Variants in SDK2 observed in about 807,000 individuals in gnomAD.
The protein encoded by SDK2 is protein sidekick-2.
A neutral mutation model predicts 253.9 loss-of-function variants in SDK2; 105 were observed. That is an observed-to-expected ratio of 0.41 (90% confidence interval 0.35 to 0.49). The LOEUF (loss-of-function observed/expected upper bound fraction) is 0.49, where lower values mean the gene tolerates loss of function less well. SDK2 is among the 20% of genes least tolerant of loss of function. The probability of loss-of-function intolerance (pLI) is 0.06; values close to 1 mark genes in which losing one functional copy is unlikely to be tolerated. For missense variants in SDK2, 2,608 were observed against 3,003.0 expected, an observed-to-expected ratio of 0.87 and a Z score of 3.07; for synonymous variants, 1,249 against 1,234.9, an observed-to-expected ratio of 1.01 and a Z score of -0.24.
At chr17:73,362,846 G>T (rs1236183869) in intron 38 of SDK2, among the ~76,000 whole-genome samples, 1 of 152,212 alleles carries the variant, frequency 6.6e-6, no homozygotes, top group South Asian at 2.1e-4. Flanking sequence ...GGGAGCCGGG[G>T]TTAGTGTCAT....
chr17:73,388,444 T>C (rs922582930), intron 29 of SDK2, among the ~76,000 whole-genome samples: 4 of 152,336 alleles, frequency 2.6e-5, no homozygotes, highest in Non-Finnish European at 5.9e-5. Flanking sequence ...AGGCCCTAGC[T>C]TGGCTTCCTT....
intron 2 of SDK2, among the ~76,000 whole-genome samples, chr17:73,500,558 T>TC (rs2145745910): frequency 6.9e-6 from 1 of 145,018 alleles, no homozygotes. Flanking sequence ...TCCTTCATCC[T>TC]TCTCCATCCT....
chr17:73,528,574 A>G (rs1343272410), intron 1 of SDK2, among the ~76,000 whole-genome samples: 1 of 152,046 alleles, frequency 6.6e-6, no homozygotes, highest in Admixed American at 6.5e-5. Context: ...TCCCAAGGCG[A>G]CCTACTGCCT....
intron 2 of SDK2, among the ~76,000 whole-genome samples, chr17:73,476,828 TG>T (rs1265530394): frequency 1.3e-5 from 2 of 152,182 alleles, no homozygotes; most frequent in Non-Finnish European, 2.9e-5. Context: ...GGAAGGCCCG[TG>T]GGCTGCTGGC....
intron 38 of SDK2, among the ~76,000 whole-genome samples, chr17:73,362,183 C>T (rs1476822586): frequency 6.6e-6 from 1 of 152,238 alleles, no homozygotes; most frequent in African/African-American, 2.4e-5. Flanking sequence ...AATGTAACCT[C>T]TGCACCCCAA....
rs1305194454 is a variant in SDK2 at position 73,390,395 on chromosome 17, C to G, written c.4084G>C (p.Ala1362Pro). Residue 1362 changes from alanine to proline, a missense_variant, in exon 29 of 45, where the codon GCC (alanine) becomes CCC (proline). Around this residue, in one of 2 missense-constraint regions of SDK2, gnomAD observed 1,103 missense variants for 1,143.9 expected, o/e 0.96. Transcript: ENST00000392650. ...VLAPSARQYT[A>P]TGLKPESVYL... ...ACAGACTCTGGCTTGAGGCCCGTGG[C>G]TGTGTACTGCCGGGCGCTGGGTGCC... 1 of 1,612,818 alleles carries G rather than the reference C, an allele frequency of 6.2e-7. No individual in the cohort carries two copies. Among genetic ancestry groups the G allele is most frequent in the South Asian group, 1.1e-5 (1 of 90,882 alleles).
intron 33 of SDK2, 101 bp from the exon 34 acceptor site, chr17:73,381,051 C>G (rs1194367159): frequency 2.8e-6 from 2 of 715,308 alleles, no homozygotes; most frequent in African/African-American, 1.8e-5. Context: ...CCCGGCCAGG[C>G]GGGGCTGACG....
In SDK2 at chr17:73,358,098, G is replaced by A. The variant is rs1303916928; in HGVS notation, c.5574C>T (p.Val1858=). ...DPGKGPITRY[V]IEARPSDEGL... ...GCGCACCTGAAGGTCTGGCCTCGAT[G>A]ACGTAGCGGGTGATGGGCCCTTTGC... The change falls in exon 40 of 45, where the codon GTC becomes GTT. Residue 1858 remains valine (V), a synonymous_variant. Coordinates refer to ENST00000392650, the MANE Select transcript of SDK2 (RefSeq NM_001144952.2). 1 of 1,613,248 alleles carries A rather than the reference G, an allele frequency of 6.2e-7. No homozygotes were observed. The highest frequency in any genetic ancestry group is 1.3e-5 in the African/African-American group (1 of 74,942).
chr17:73,432,377 T>C (rs1156987689), intron 10 of SDK2, among the ~76,000 whole-genome samples: 1 of 152,108 alleles, frequency 6.6e-6, no homozygotes, highest in Non-Finnish European at 1.5e-5. Context: ...GAAGGGAATC[T>C]CCATGTGTCC....
At chr17:73,400,463 G>A (rs986778091) in intron 21 of SDK2, among the ~76,000 whole-genome samples, 4 of 152,210 alleles carry the variant, frequency 2.6e-5, no homozygotes, top group African/African-American at 7.2e-5. Context: ...GTGGGGAAAT[G>A]AGACAAGGCA....
At chr17:73,424,214 A>T (rs774937938) in intron 12 of SDK2, 122 bp from the exon 13 acceptor site, 78 of 767,828 alleles carry the variant, frequency 1.0e-4, no homozygotes, top group Non-Finnish European at 1.5e-4. Context: ...TGCAGGCAAC[A>T]GCCAGGCAGG....
chr17:73,350,503 T>A (rs141196259), intron 42 of SDK2, 128 bp from the exon 43 acceptor site: 1 of 1,430,708 alleles, frequency 7.0e-7, no homozygotes, highest in Non-Finnish European at 9.3e-7. Context: ...AGATTGAGAT[T>A]GTGTGTAGAA....
chr17:73,626,705 G>A (rs2046206756), intron 1 of SDK2, among the ~76,000 whole-genome samples: 1 of 152,232 alleles, frequency 6.6e-6, no homozygotes, highest in African/African-American at 2.4e-5. Flanking sequence ...GATGGAGGCA[G>A]GACAGAAGAG....
chr17:73,425,941 G>T (rs1429780017), intron 12 of SDK2, among the ~76,000 whole-genome samples: 3 of 152,108 alleles, frequency 2.0e-5, no homozygotes, highest in Non-Finnish European at 2.9e-5. Flanking sequence ...CCTGAACCAC[G>T]GCAAGCGGTC....
intron 1 of SDK2, among the ~76,000 whole-genome samples, chr17:73,621,258 C>T (rs1422408858): frequency 2.6e-5 from 4 of 152,210 alleles, no homozygotes; most frequent in African/African-American, 9.6e-5. Flanking sequence ...ATTTGAGCTA[C>T]TGCCCCAAGG....
intron 1 of SDK2, among the ~76,000 whole-genome samples, chr17:73,550,663 T>G (rs1391942766): frequency 2.0e-5 from 3 of 151,958 alleles, no homozygotes; most frequent in Non-Finnish European, 2.9e-5. Flanking sequence ...GGAGTCAGAG[T>G]CCACTCAAGA....
chr17:73,501,816 C>T (rs1599626494), intron 2 of SDK2, among the ~76,000 whole-genome samples: 1 of 152,214 alleles, frequency 6.6e-6, no homozygotes, highest in African/African-American at 2.4e-5. Flanking sequence ...TGGGCTTGAC[C>T]TGTAGAATCC....
chr17:73,357,776 G>A (rs2062604043), intron 40 of SDK2: 3 of 478,916 alleles, frequency 6.3e-6, no homozygotes, highest in Non-Finnish European at 1.1e-5. Context: ...GATTCGGTGT[G>A]TGACCCACGT....
At chr17:73,476,939 G>A (rs927185021) in intron 2 of SDK2, among the ~76,000 whole-genome samples, 1 of 151,932 alleles carries the variant, frequency 6.6e-6, no homozygotes, top group Admixed American at 6.6e-5. Flanking sequence ...CCGCTCCTCC[G>A]CCTCCGTTTC....
Sources: gnomAD v4.1 joint callset for allele counts (sites outside exome capture counted in the v4.1 genomes callset) on GRCh38, gnomAD v4.1.1 for gene constraint, gnomAD v4.1.1 regional missense constraint, MANE v1.5 for transcripts, NCBI Gene and HGNC (gene_info 2026-07-23, HGNC 2026-07-21) for gene names.